Variants in CTNNA3 observed in about 807,000 individuals in gnomAD.
CTNNA3 encodes the protein catenin alpha 3.
CTNNA3 carries 76 observed loss-of-function variants against 95.7 expected under a neutral mutation model. The observed-to-expected ratio is 0.79, with a 90% confidence interval of 0.66 to 0.96. The LOEUF (loss-of-function observed/expected upper bound fraction) is 0.96, where lower values mean the gene tolerates loss of function less well. Among genes scored for constraint, CTNNA3 ranks in the 40% least tolerant of loss-of-function variants. The probability of loss-of-function intolerance (pLI) is 0.00; values close to 1 mark genes in which losing one functional copy is unlikely to be tolerated. For missense variants in CTNNA3, 1,191 were observed against 1,089.8 expected, an observed-to-expected ratio of 1.09 and a Z score of -1.31; for synonymous variants, 431 against 374.4, an observed-to-expected ratio of 1.15 and a Z score of -1.74.
At chr10:67,643,066 C>A (rs778025636) in intron 2 of CTNNA3, among the ~76,000 whole-genome samples, 14 of 152,216 alleles carry the variant, frequency 9.2e-5, no homozygotes, top group Non-Finnish European at 2.1e-4. Flanking sequence ...GACATGGAAT[C>A]AACCTAAACG....
chr10:67,510,028 T>C (rs1354353608), intron 5 of CTNNA3, among the ~76,000 whole-genome samples: 1 of 152,218 alleles, frequency 6.6e-6, no homozygotes, highest in Non-Finnish European at 1.5e-5. Flanking sequence ...TCCTGACTTT[T>C]TCATGGGGTT....
chr10:67,382,689 G>C (rs1443735197), intron 5 of CTNNA3, among the ~76,000 whole-genome samples: 2 of 152,090 alleles, frequency 1.3e-5, no homozygotes, highest in Non-Finnish European at 2.9e-5. Context: ...CTGAGGCTGG[G>C]TGATTTATAA....
intron 7 of CTNNA3, among the ~76,000 whole-genome samples, chr10:66,903,343 ACT>A (rs1311368369): frequency 1.3e-5 from 2 of 152,070 alleles, no homozygotes; most frequent in Non-Finnish European, 2.9e-5. Context: ...CCTGCTAAAA[ACT>A]CTCAATAAAC....
intron 15 of CTNNA3, among the ~76,000 whole-genome samples, chr10:66,012,024 T>C (rs114374321): frequency 0.01 from 1,543 of 152,276 alleles, 17 homozygotes; most frequent in African/African-American, 0.036. Flanking sequence ...CTTTTCCCTA[T>C]TAGATCTTAA....
chr10:67,116,721 A>AATATATATATAT (rs34041126), intron 7 of CTNNA3, among the ~76,000 whole-genome samples: 411 of 143,500 alleles, frequency 2.9e-3, no homozygotes, highest in African/African-American at 9.5e-3. Context: ...CAGTTTTGAA[A>AATATATATATAT]ATATATATAT....
At chr10:67,495,405 T>TA (rs1838991215) in intron 5 of CTNNA3, among the ~76,000 whole-genome samples, 1 of 152,162 alleles carries the variant, frequency 6.6e-6, no homozygotes, top group Non-Finnish European at 1.5e-5. Flanking sequence ...CTAAGACTCC[T>TA]AGAAGCATTT....
At chr10:66,523,734 A>G (rs1176454888) in intron 10 of CTNNA3, among the ~76,000 whole-genome samples, 5 of 152,204 alleles carry the variant, frequency 3.3e-5, no homozygotes, top group Admixed American at 6.5e-5. Context: ...GCCTTATTAT[A>G]TCTTAACTGG....
At chr10:66,449,110 A>G (rs552811931) in intron 11 of CTNNA3, among the ~76,000 whole-genome samples, 13 of 152,242 alleles carry the variant, frequency 8.5e-5, no homozygotes, top group African/African-American at 1.2e-4. Flanking sequence ...TAAAAATCCT[A>G]GAAAATATAT....
intron 5 of CTNNA3, among the ~76,000 whole-genome samples, chr10:67,424,959 C>T (rs1845868517): frequency 1.3e-5 from 2 of 152,048 alleles, no homozygotes; most frequent in Admixed American, 1.3e-4. Context: ...GTCCCTAATA[C>T]TATTTTTAAA....
chr10:66,376,008 C>T (rs1459970549), intron 12 of CTNNA3, among the ~76,000 whole-genome samples: 1 of 152,116 alleles, frequency 6.6e-6, no homozygotes, highest in African/African-American at 2.4e-5. Flanking sequence ...CATTTATGTA[C>T]CTGTTCTGTT....
chr10:67,088,980 C>T (rs1301660250), intron 7 of CTNNA3, among the ~76,000 whole-genome samples: 3 of 151,864 alleles, frequency 2.0e-5, no homozygotes, highest in Non-Finnish European at 4.4e-5. Flanking sequence ...AGTATAATGA[C>T]TACTTAGATA....
chr10:67,560,790 A>G (rs535647970), intron 3 of CTNNA3, among the ~76,000 whole-genome samples: 13 of 152,220 alleles, frequency 8.5e-5, no homozygotes, highest in Admixed American at 5.2e-4. Context: ...GGGATGGAGG[A>G]AGATCTACCA....
At chr10:67,443,026 A>T (rs1272517800) in intron 5 of CTNNA3, among the ~76,000 whole-genome samples, 2 of 141,138 alleles carry the variant, frequency 1.4e-5, no homozygotes, top group Admixed American at 7.7e-5. Context: ...ATTCCCATCT[A>T]TGAGTGAGAA....
intron 15 of CTNNA3, among the ~76,000 whole-genome samples, chr10:66,017,225 T>C (rs903206490): frequency 8.5e-5 from 13 of 152,294 alleles, no homozygotes; most frequent in African/African-American, 2.9e-4. Context: ...CTTGTACTTT[T>C]TGGAATCATT....
At chr10:67,283,094 A>T (rs991273039) in intron 5 of CTNNA3, among the ~76,000 whole-genome samples, 9 of 152,236 alleles carry the variant, frequency 5.9e-5, no homozygotes, top group Admixed American at 2.0e-4. Context: ...CTAGACAGAC[A>T]GGACTTGCTG....
chr10:66,404,948 A>T (rs1291444501), intron 11 of CTNNA3, among the ~76,000 whole-genome samples: 1 of 152,170 alleles, frequency 6.6e-6, no homozygotes, highest in Admixed American at 6.5e-5. Flanking sequence ...GAGATGTGGG[A>T]GAAGTAAGCG....
intron 5 of CTNNA3, among the ~76,000 whole-genome samples, chr10:67,323,814 A>G (rs1003528908): frequency 2.0e-5 from 3 of 152,160 alleles, no homozygotes; most frequent in African/African-American, 7.2e-5. Flanking sequence ...CATTTTAACA[A>G]CATTGATTCT....
chr10:66,076,996 G>A (rs1006109416), intron 14 of CTNNA3, among the ~76,000 whole-genome samples: 4 of 151,574 alleles, frequency 2.6e-5, no homozygotes, highest in African/African-American at 7.3e-5. Context: ...ATAAATAAAG[G>A]TTGTAAAGGG....
At position 66,597,204 on chromosome 10, in the gene CTNNA3, C is replaced by A. The variant is rs535024048; in HGVS notation, c.1374+24488G>T. On this transcript the variant is annotated intron_variant, in intron 10 of 17. Transcript: ENST00000433211. ...ATTCCATCAAGCAAACTAATAGCTG[C>A]ATTATGGGAGCCCTATAAGCAGCAG... 2.0e-5 allele frequency among the ~76,000 whole-genome samples: 3 copies of A among 151,796 alleles called. No individual in the cohort carries two copies. The South Asian group carries it at 6.3e-4, about 32-fold the overall frequency.
Sources: gnomAD v4.1 joint callset for allele counts (sites outside exome capture counted in the v4.1 genomes callset) on GRCh38, gnomAD v4.1.1 for gene constraint, MANE v1.5 for transcripts, NCBI Gene and HGNC (gene_info 2026-07-23, HGNC 2026-07-21) for gene names.